The following KDM2B variants were observed in gnomAD, a reference collection of about 807,000 sequenced individuals.
KDM2B encodes the protein lysine demethylase 2B.
Under a neutral mutation model 150.0 loss-of-function variants are expected in KDM2B, and 26 were observed. The observed-to-expected ratio is 0.17, with a 90% confidence interval of 0.13 to 0.24. KDM2B has a LOEUF of 0.24. KDM2B is among the 10% of genes least tolerant of loss of function. The pLI is 1.00. For missense variants in KDM2B, 1,265 were observed against 1,816.9 expected, an observed-to-expected ratio of 0.70 and a Z score of 5.52; for synonymous variants, 734 against 729.5, an observed-to-expected ratio of 1.01 and a Z score of -0.10.
At chr12:121,580,481 G>T (rs1891889323) in intron 1 of KDM2B, 1 of 1,179,712 alleles carries the variant, frequency 8.5e-7, no homozygotes, top group Non-Finnish European at 1.1e-6. Context: ...GCCTCTGCAC[G>T]CAGGCGCCGC....
chr12:121,488,707 C>T (rs981458620), intron 12 of KDM2B, among the ~76,000 whole-genome samples: 8 of 151,162 alleles, frequency 5.3e-5, no homozygotes, highest in African/African-American at 1.9e-4. Flanking sequence ...CTGAAACCTC[C>T]GCCTCCCAGG....
At chr12:121,507,965 C>G (rs956631604) in intron 11 of KDM2B, among the ~76,000 whole-genome samples, 4 of 152,146 alleles carry the variant, frequency 2.6e-5, no homozygotes, top group Admixed American at 6.5e-5. Context: ...GAGCCAAGCT[C>G]GCACCACTGC....
chr12:121,531,811 G>A (rs1887679809), intron 8 of KDM2B, among the ~76,000 whole-genome samples: 1 of 152,184 alleles, frequency 6.6e-6, no homozygotes, highest in African/African-American at 2.4e-5. Context: ...CCTTCCTACA[G>A]GCTAGGTGCG....
chr12:121,543,190 T>C (rs139820171), intron 6 of KDM2B, among the ~76,000 whole-genome samples: 1,712 of 151,948 alleles, frequency 0.011, 34 homozygotes, highest in African/African-American at 0.039. Context: ...CCCCTGTCTC[T>C]ACTAAAAATA....
the KDM2B span, among the ~76,000 whole-genome samples, chr12:121,412,724 C>CTTTTTT: frequency 8.2e-6 from 1 of 121,918 alleles, no homozygotes; most frequent in African/African-American, 3.2e-5. Context: ...GATGTTCATG[C>CTTTTTT]TTTTTTTTTT....
At chr12:121,456,864 GGT>G (rs781927596) in intron 12 of KDM2B, among the ~76,000 whole-genome samples, 4 of 152,160 alleles carry the variant, frequency 2.6e-5, no homozygotes, top group Non-Finnish European at 5.9e-5. Context: ...TGAAAGAAGA[GGT>G]GTGAGAAGCT....
At position 121,467,739 on chromosome 12, in the gene KDM2B, GA is replaced by G. The variant is rs1463004797; in HGVS notation, c.1735-14396del. ...GTGTGGTCCCGTGGGGCGTCTCGCGGAAGCCCGGGGGCGCCCGGGCCGTGGG... is the reference window on the plus strand; with the variant it reads ...GTGTGGTCCCGTGGGGCGTCTCGCGGAGCCCGGGGGCGCCCGGGCCGTGGG... On this transcript the variant is annotated intron_variant, in intron 12 of 22. Transcript: ENST00000377071. The surrounding 1 kb of genome is among the most constrained non-coding windows in gnomAD (Gnocchi z 5.1). The G allele has an allele frequency of 6.6e-6, 1 of 152,096 alleles. No individual in the cohort carries two copies. The highest frequency in any genetic ancestry group is 1.5e-5 in the Non-Finnish European group (1 of 68,036). The allele number at this position is 152,096 out of a possible 1,614,324, so 9.4% of individuals were successfully genotyped here.
At chr12:121,412,459 G>T in the KDM2B span, among the ~76,000 whole-genome samples, 1 of 151,702 alleles carries the variant, frequency 6.6e-6, no homozygotes, top group Non-Finnish European at 1.5e-5. Flanking sequence ...CAGCCAGGAT[G>T]GTCTTGATCT....
intron 4 of KDM2B, among the ~76,000 whole-genome samples, chr12:121,550,309 CAA>C (rs782618970): frequency 2.0e-4 from 21 of 106,990 alleles, no homozygotes; most frequent in East Asian, 2.5e-4. Context: ...GACTTTGTCT[CAA>C]AAAAAAAAAA....
At chr12:121,435,838 A>G (rs1264019373) in intron 22 of KDM2B, among the ~76,000 whole-genome samples, 1 of 152,178 alleles carries the variant, frequency 6.6e-6, no homozygotes, top group Non-Finnish European at 1.5e-5. Flanking sequence ...CACCAAAGAA[A>G]CGACACACAG....
At chr12:121,420,263 G>A in the KDM2B span, 2 of 1,606,220 alleles carry the variant, frequency 1.2e-6, no homozygotes, top group Non-Finnish European at 1.7e-6. Context: ...AATCACTTCA[G>A]CAAACACAGA....
Position 121,575,479 on chromosome 12 carries a change from G to A in KDM2B, c.350+302C>T, listed in dbSNP as rs1272094102. Among the ~76,000 whole-genome samples, 2 of 152,240 alleles carry A rather than the reference G, an allele frequency of 1.3e-5. No individual in the cohort carries two copies. The highest frequency in any genetic ancestry group is 2.9e-5 in the Non-Finnish European group (2 of 68,050). On this transcript the variant is annotated intron_variant, in intron 3 of 22. Coordinates refer to ENST00000377071, the MANE Select transcript of KDM2B (RefSeq NM_032590.5). This position sits in a 1 kb window ranked among gnomAD's most constrained non-coding sequence, Gnocchi z 4.4. ...TCTCCTGATCTGGAGCAAGGGGAAG[G>A]AGGAGAGGTACAATTCTCTGTAGGA... is the stretch of plus-strand genomic sequence containing the variant.
intron 12 of KDM2B, among the ~76,000 whole-genome samples, chr12:121,480,454 A>G (rs1314925919): frequency 6.6e-6 from 1 of 151,926 alleles, no homozygotes; most frequent in Non-Finnish European, 1.5e-5. Context: ...GAGAATTAAG[A>G]ACAGGTTCAG....
chr12:121,421,775 G>A, the KDM2B span, among the ~76,000 whole-genome samples: 1 of 152,152 alleles, frequency 6.6e-6, no homozygotes, highest in African/African-American at 2.4e-5. Flanking sequence ...TTAGGCGTGG[G>A]CCACCATGCC....
rs1206685324 is a variant in KDM2B at position 121,532,782 on chromosome 12, CAG to C, written c.931+22_931+23del. On this transcript the variant is annotated intron_variant, in intron 8 of 22. Coordinates refer to ENST00000377071, the MANE Select transcript of KDM2B (RefSeq NM_032590.5). ...CAGGCCGCAGGAGACTCGAGGAGCC[CAG>C]AGAGTGCCCCTGGAAACCTACCGGA... 8 of 1,612,722 alleles carry C rather than the reference CAG, an allele frequency of 5.0e-6. No individual in the cohort carries two copies. The African/African-American group carries it at 9.3e-5, about 19-fold the overall frequency.
Position 121,442,777 on chromosome 12 carries a change from G to T in KDM2B, c.2664C>A (p.Arg888=). ...RMALANKPLR[R]FKQEPEDELP... is the part of the protein sequence containing the mutation. ...GTTCGTCCTCGGGTTCCTGCTTGAA[G>T]CGCCGGAGGGGCTTGTTGGCCAGCG... Residue 888 remains arginine, a synonymous_variant, in exon 19 of 23, where the codon CGC becomes CGA. Transcript: ENST00000377071. This position sits in a 1 kb window ranked among gnomAD's most constrained non-coding sequence, Gnocchi z 7.7. 6.5e-7 allele frequency: 1 copy of T among 1,542,990 alleles called. No individual in the cohort carries two copies.
At chr12:121,504,702 C>T (rs1330986910) in intron 11 of KDM2B, among the ~76,000 whole-genome samples, 1 of 152,098 alleles carries the variant, frequency 6.6e-6, no homozygotes, top group African/African-American at 2.4e-5. Flanking sequence ...GGTGGTTGCA[C>T]ACGATTGTGA....
intron 8 of KDM2B, among the ~76,000 whole-genome samples, chr12:121,528,702 G>T (rs1887371706): frequency 6.6e-6 from 1 of 152,228 alleles, no homozygotes; most frequent in African/African-American, 2.4e-5. Flanking sequence ...AGACCAGCCT[G>T]GGCAACATGG....
In KDM2B at chr12:121,548,954, C is replaced by T; in HGVS notation, c.606G>A (p.Met202Ile). The change falls in exon 6 of 23, where the codon ATG (methionine) becomes ATA (isoleucine). Residue 202 changes from methionine to isoleucine, a missense_variant. Transcript: ENST00000377071. ...GCTTCTCCTTCAGATGCTGGGGCCA[C>T]ATGTTGTCCACCCAGTCCACCAGGT... is the stretch of plus-strand genomic sequence containing the variant. ...VVDLVDWVDNMWPQHLKEKQT... is the reference protein window; with the variant it reads ...VVDLVDWVDNIWPQHLKEKQT... 2 of 1,614,228 alleles carry T rather than the reference C, an allele frequency of 1.2e-6. No homozygotes were observed. Among genetic ancestry groups the T allele is most frequent in the African/African-American group, 2.7e-5 (2 of 75,070 alleles).
Sources: allele counts gnomAD v4.1 joint callset (sites outside exome capture counted in the v4.1 genomes callset), GRCh38; gene constraint gnomAD v4.1.1; non-coding constraint Gnocchi (gnomAD v3.1); transcripts MANE v1.5; gene names NCBI Gene and HGNC (gene_info 2026-07-23, HGNC 2026-07-21).